SUMF1: variants seen among roughly 807,000 people sequenced by gnomAD.
SUMF1 encodes the protein sulfatase modifying factor 1, also known as formylglycine-generating enzyme.
A neutral mutation model predicts 47.6 loss-of-function variants in SUMF1; 48 were observed. The observed-to-expected ratio is 1.01, with a 90% confidence interval of 0.80 to 1.28. The LOEUF is 1.28. Among genes scored for constraint, SUMF1 ranks in the 50% most tolerant of loss-of-function variants. The pLI, the probability that SUMF1 is intolerant of heterozygous loss-of-function variation, is 0.00. For missense variants in SUMF1, 571 were observed against 485.4 expected, an observed-to-expected ratio of 1.18 and a Z score of -1.66; for synonymous variants, 230 against 192.1, an observed-to-expected ratio of 1.20 and a Z score of -1.63.
chr3:4,163,864 T>C (rs1247019845), intron 8 of SUMF1, among the ~76,000 whole-genome samples: 2 of 152,154 alleles, frequency 1.3e-5, no homozygotes, highest in Non-Finnish European at 2.9e-5. Context: ...TGAATTACCT[T>C]GGAAAGGAGT....
intron 8 of SUMF1, among the ~76,000 whole-genome samples, chr3:4,348,823 C>A (rs930569206): frequency 6.6e-6 from 1 of 152,128 alleles, no homozygotes; most frequent in African/African-American, 2.4e-5. Flanking sequence ...TGCGGTGAGC[C>A]AAGATCACGC....
intron 8 of SUMF1, among the ~76,000 whole-genome samples, chr3:4,259,572 G>C (rs145823456): frequency 1.4e-3 from 212 of 151,832 alleles, no homozygotes; most frequent in African/African-American, 5.0e-3. Context: ...TATTTTATTT[G>C]TTTTTTCTAT....
rs1693617913 is a variant in SUMF1, at chr3:4,124,776, T to C, written c.1015-56031A>G. 2.0e-5 allele frequency among the ~76,000 whole-genome samples: 3 copies of C among 150,934 alleles called. 1 individual carries two copies. The highest frequency in any genetic ancestry group is 4.2e-4 in the South Asian group (2 of 4,740). On this transcript the variant is annotated intron_variant and NMD_transcript_variant, in intron 8 of 12. Transcript: ENST00000448413. Reference sequence around the variant, plus strand: ...ACCTACAAAGAATCAATGTATTGATTTGAGAATACTACCTATCTGTATCTA... The same window carrying C: ...ACCTACAAAGAATCAATGTATTGATCTGAGAATACTACCTATCTGTATCTA...
chr3:4,171,725 G>A (rs1028014236), intron 8 of SUMF1, among the ~76,000 whole-genome samples: 3 of 152,148 alleles, frequency 2.0e-5, no homozygotes, highest in Non-Finnish European at 4.4e-5. Flanking sequence ...AAATGGGCTT[G>A]TGAGGTGGGG....
In SUMF1 at chr3:4,151,384, T is replaced by C. The variant is rs375760899; in HGVS notation, c.1015-82639A>G. Among the ~76,000 whole-genome samples, 8 of 103,464 alleles carry C rather than the reference T, an allele frequency of 7.7e-5. No homozygotes were observed. The South Asian group carries it at 1.4e-3, about 18-fold the overall frequency. The allele number at this position is 103,464 out of a possible 152,430, so 67.9% of individuals were successfully genotyped here. A position where few individuals can be genotyped will look rare whatever the true frequency, so the allele number is the denominator to read the frequency against. Reference sequence around the variant, plus strand: ...ATATATATATATACATGTGTGTATATATATGTATATATATGTATATGTATA... The same window carrying C: ...ATATATATATATACATGTGTGTATACATATGTATATATATGTATATGTATA... On this transcript the variant is annotated intron_variant and NMD_transcript_variant, in intron 8 of 12. Transcript: ENST00000448413.
intron 8 of SUMF1, among the ~76,000 whole-genome samples, chr3:4,102,769 A>G (rs1306037382): frequency 6.6e-6 from 1 of 152,014 alleles, no homozygotes; most frequent in African/African-American, 2.4e-5. Context: ...TAGGTGCTTG[A>G]TAAATTAATG....
intron 8 of SUMF1, among the ~76,000 whole-genome samples, chr3:4,353,992 C>T (rs1699565128): frequency 6.6e-6 from 1 of 152,080 alleles, no homozygotes; most frequent in Admixed American, 6.6e-5. Flanking sequence ...GTTGCTAGGA[C>T]TATAGGACTA....
Position 4,430,020 on chromosome 3 carries a change from T to G in SUMF1, c.520-9874A>C, listed in dbSNP as rs112330214. Among the ~76,000 whole-genome samples, 356 of 152,328 alleles carry G rather than the reference T, an allele frequency of 2.3e-3. 2 individuals are homozygous for G. Among genetic ancestry groups the G allele is most frequent in the African/African-American group, 8.1e-3 (338 of 41,580 alleles). On this transcript the variant is annotated intron_variant, in intron 3 of 8. Transcript: ENST00000272902. ...GGGAAGGATCTGAGAAGATATCTAC[T>G]GAAATTCCCTCATTTTATAAATGGG... is the stretch of plus-strand genomic sequence containing the variant.
chr3:4,364,652 TTG>T (rs1699887381), intron 8 of SUMF1, among the ~76,000 whole-genome samples: 1 of 151,034 alleles, frequency 6.6e-6, no homozygotes, highest in African/African-American at 2.4e-5. Flanking sequence ...TCTATCAATT[TTG>T]TTGATCCTTT....
intron 8 of SUMF1, among the ~76,000 whole-genome samples, chr3:4,311,063 A>C (rs1323703187): frequency 6.6e-6 from 1 of 152,200 alleles, no homozygotes; most frequent in Non-Finnish European, 1.5e-5. Flanking sequence ...CTAAAGCTGT[A>C]AGAAACAACA....
rs113317585 is a variant in SUMF1, at chr3:4,138,410, T to C, written c.1015-69665A>G. 2.8e-4 allele frequency among the ~76,000 whole-genome samples: 42 copies of C among 152,248 alleles called. 3 individuals carry two copies. The highest frequency in any genetic ancestry group is 9.9e-4 in the African/African-American group (41 of 41,552). ...GACCACTGGACAGTGAACACTGTGA[T>C]TTATGATGGGGGCTTTTGGATATTC... On this transcript the variant is annotated intron_variant and NMD_transcript_variant, in intron 8 of 12. Coordinates refer to the SUMF1 transcript ENST00000448413.
At chr3:4,389,703 G>A (rs998107314) in intron 7 of SUMF1, among the ~76,000 whole-genome samples, 2 of 152,040 alleles carry the variant, frequency 1.3e-5, no homozygotes, top group Non-Finnish European at 2.9e-5. Flanking sequence ...TGTTCTAGTT[G>A]ACAGTTCACT....
rs556304101 is a variant in SUMF1 at position 4,099,010 on chromosome 3, A to C, written c.1015-30265T>G. Among the ~76,000 whole-genome samples, 318 of 152,270 alleles carry C rather than the reference A, an allele frequency of 2.1e-3. 10 individuals are homozygous for C. The highest frequency in any genetic ancestry group is 7.4e-3 in the African/African-American group (308 of 41,514). On this transcript the variant is annotated intron_variant and NMD_transcript_variant, in intron 8 of 12. Coordinates refer to the SUMF1 transcript ENST00000448413. Reference sequence around the variant, plus strand: ...TCTTACCCACTAGCGACAGTAAAGAAGACTCTGGCCACTGCAGTCCTTAAC... The same window carrying C: ...TCTTACCCACTAGCGACAGTAAAGACGACTCTGGCCACTGCAGTCCTTAAC...
chr3:4,211,851 C>G (rs1040405715), intron 8 of SUMF1, among the ~76,000 whole-genome samples: 1 of 152,166 alleles, frequency 6.6e-6, no homozygotes, highest in African/African-American at 2.4e-5. Flanking sequence ...CACTGCAGTT[C>G]AGCAAGGCCT....
intron 8 of SUMF1, among the ~76,000 whole-genome samples, chr3:4,256,422 G>A (rs1030733996): frequency 2.1e-5 from 3 of 140,176 alleles, no homozygotes; most frequent in Admixed American, 2.1e-4. Flanking sequence ...AATAAAAAAT[G>A]ATAAAGGGGA....
intron 8 of SUMF1, among the ~76,000 whole-genome samples, chr3:4,106,016 C>T (rs1018352536): frequency 4.2e-4 from 63 of 151,046 alleles, no homozygotes; most frequent in African/African-American, 1.3e-3. Flanking sequence ...TTTTTTTTAA[C>T]AGTTATGCAA....
chr3:4,215,056 C>T (rs1695888423), intron 8 of SUMF1, among the ~76,000 whole-genome samples: 1 of 152,282 alleles, frequency 6.6e-6, no homozygotes, highest in African/African-American at 2.4e-5. Context: ...ATGAGGCCAA[C>T]ATCATCCTGA....
chr3:4,334,344 C>G lies in SUMF1; in HGVS notation c.1014+41986G>C, dbSNP rs563848223. 1.5e-4 allele frequency among the ~76,000 whole-genome samples: 23 copies of G among 152,220 alleles called. No homozygotes were observed. The South Asian group carries it at 4.8e-3, about 32-fold the overall frequency. On this transcript the variant is annotated intron_variant and NMD_transcript_variant, in intron 8 of 12. Transcript: ENST00000448413. ...GAACTTCTTTTGCAAAGGTATCTTCCCCAGTGTTTCAACCAAGGTTATAAC... is the reference window on the plus strand; with the variant it reads ...GAACTTCTTTTGCAAAGGTATCTTCGCCAGTGTTTCAACCAAGGTTATAAC...
intron 7 of SUMF1, among the ~76,000 whole-genome samples, chr3:4,395,100 A>C (rs1700999171): frequency 6.6e-6 from 1 of 152,138 alleles, no homozygotes; most frequent in African/African-American, 2.4e-5. Context: ...CATTCTTTTC[A>C]TTTTAAGGAT....
Sources: allele counts gnomAD v4.1 joint callset (sites outside exome capture counted in the v4.1 genomes callset), GRCh38; gene constraint gnomAD v4.1.1; transcripts MANE v1.5; gene names NCBI Gene and HGNC (gene_info 2026-07-23, HGNC 2026-07-21).